Variants in SDHA observed in about 807,000 individuals in gnomAD.
The protein encoded by SDHA is succinate dehydrogenase complex flavoprotein subunit A.
SDHA carries 48 observed loss-of-function variants against 78.4 expected under a neutral mutation model. That is an observed-to-expected ratio of 0.61 (90% confidence interval 0.49 to 0.78). The LOEUF (loss-of-function observed/expected upper bound fraction) is 0.78, where lower values mean the gene tolerates loss of function less well. Ranked by LOEUF, SDHA falls within the 30% of genes least tolerant of loss-of-function variation. The probability of loss-of-function intolerance (pLI) is 0.00; values close to 1 mark genes in which losing one functional copy is unlikely to be tolerated. For missense variants in SDHA, 680 were observed against 892.7 expected, an observed-to-expected ratio of 0.76 and a Z score of 3.04; for synonymous variants, 326 against 353.9, an observed-to-expected ratio of 0.92 and a Z score of 0.88.
intron 11 of SDHA, among the ~76,000 whole-genome samples, chr5:247,787 T>G (rs2126623372): frequency 6.6e-6 from 1 of 152,340 alleles, no homozygotes. Flanking sequence ...TAGCTTCTAT[T>G]AAAACAGATA....
chr5:244,828 C>T (rs12332382), intron 11 of SDHA, among the ~76,000 whole-genome samples: 19,738 of 152,104 alleles, frequency 0.13, 1,344 homozygotes, highest in Admixed American at 0.17. Flanking sequence ...TTTATTACAA[C>T]GATGGGGAGC....
intron 9 of SDHA, 129 bp downstream of exon 9, chr5:235,468 C>G: frequency 1.1e-6 from 1 of 907,354 alleles, no homozygotes; most frequent in Non-Finnish European, 1.8e-6. Context: ...GTATTGTTTT[C>G]TAGATTGCAC....
At chr5:239,267 A>G (rs1408060883) in intron 10 of SDHA, among the ~76,000 whole-genome samples, 1 of 150,164 alleles carries the variant, frequency 6.7e-6, no homozygotes, top group East Asian at 1.9e-4. Context: ...GTAGAAACAC[A>G]AGAGTTGCAA....
intron 10 of SDHA, among the ~76,000 whole-genome samples, chr5:239,340 C>G (rs187688565): frequency 6.6e-6 from 1 of 152,002 alleles, no homozygotes; most frequent in African/African-American, 2.4e-5. Flanking sequence ...AGGCAGGTGG[C>G]TCACCTGAGG....
At chr5:236,816 T>A (rs191787015) in intron 10 of SDHA, among the ~76,000 whole-genome samples, 2 of 151,620 alleles carry the variant, frequency 1.3e-5, no homozygotes, top group Admixed American at 6.6e-5. Context: ...TGGCTAATTT[T>A]TAAAAAAATT....
At chr5:246,446 G>A (rs944147598) in intron 11 of SDHA, among the ~76,000 whole-genome samples, 2 of 151,944 alleles carry the variant, frequency 1.3e-5, no homozygotes, top group African/African-American at 4.8e-5. Flanking sequence ...TCGAGCTGCG[G>A]CTGATCAAAA....
rs778207102 is a variant in SDHA at position 240,396 on chromosome 5, G to T, written c.1471G>T (p.Glu491Ter). The change falls in exon 11 of 15, where the codon GAA (glutamate) becomes TAA (stop). Residue 491 changes from glutamate to a stop codon, truncating the protein, a stop_gained. Coordinates refer to ENST00000264932, the MANE Select transcript of SDHA (RefSeq NM_004168.4). LOFTEE classifies it high-confidence loss of function. ...TCCAATTAAACCAAACGCTGGGGAA[G>T]AATCTGTCATGAATCTTGACAAATT... ...VPPIKPNAGE[E>*]SVMNLDKLRF... is the part of the protein sequence containing the mutation. The T allele has an allele frequency of 6.2e-6, 10 of 1,609,890 alleles. No homozygotes were observed. The highest frequency in any genetic ancestry group is 8.5e-6 in the Non-Finnish European group (10 of 1,177,418).
At chr5:227,863 T>C (rs2126556889) in intron 5 of SDHA, 1 of 386,876 alleles carries the variant, frequency 2.6e-6, no homozygotes, top group South Asian at 2.2e-5. Context: ...CGGACCTCAC[T>C]CTGGCACCAG....
chr5:266,222 A>G, the SDHA span, among the ~76,000 whole-genome samples: 25 of 152,384 alleles, frequency 1.6e-4, no homozygotes, highest in Middle Eastern at 3.4e-3. Flanking sequence ...AACCAGTAAG[A>G]AAGTAAATCC....
chr5:255,513 T>G (rs1392529215), intron 14 of SDHA, among the ~76,000 whole-genome samples: 2 of 152,034 alleles, frequency 1.3e-5, no homozygotes, highest in East Asian at 1.9e-4. Context: ...CTGATATGTG[T>G]TGGCTTGATC....
intron 11 of SDHA, among the ~76,000 whole-genome samples, chr5:246,248 G>T (rs1350017229): frequency 6.6e-6 from 1 of 151,952 alleles, no homozygotes; most frequent in East Asian, 1.9e-4. Context: ...AGCTGCAGCT[G>T]ATCGAAAAGC....
intron 11 of SDHA, among the ~76,000 whole-genome samples, chr5:241,959 C>T (rs1010665436): frequency 2.6e-5 from 4 of 152,180 alleles, no homozygotes; most frequent in East Asian, 1.9e-4. Context: ...AACATGCCTT[C>T]GGATATAGAA....
chr5:225,715 G>C, intron 4 of SDHA, 153 bp downstream of exon 4: 6 of 1,332,172 alleles, frequency 4.5e-6, no homozygotes, highest in Non-Finnish European at 6.4e-6. Context: ...TATGAACTAT[G>C]CATTATATGT....
chr5:262,238 G>T, the SDHA span, among the ~76,000 whole-genome samples: 2 of 126,960 alleles, frequency 1.6e-5, no homozygotes, highest in African/African-American at 7.0e-5. Flanking sequence ...GCATTACCGT[G>T]TGAGCTCCGC....
At chr5:264,019 G>C in the SDHA span, among the ~76,000 whole-genome samples, 1 of 152,190 alleles carries the variant, frequency 6.6e-6, no homozygotes, top group Non-Finnish European at 1.5e-5. Flanking sequence ...GTACAGTGGG[G>C]AACTCAGTAC....
the SDHA span, among the ~76,000 whole-genome samples, chr5:265,989 CGATTCAGTCCTGGGGG>C: frequency 5.5e-5 from 8 of 146,718 alleles, no homozygotes; most frequent in Admixed American, 1.3e-4. Flanking sequence ...CCAGATCTTC[CGATTCAGTCCTGGGGG>C]AACCCCACCC....
In SDHA at chr5:226,026, A is replaced by G. The variant is rs201967413; in HGVS notation, c.600A>G (p.Leu200=). 166 of 1,614,116 alleles carry G rather than the reference A, an allele frequency of 1.0e-4. 1 individual carries two copies. The African/African-American group carries it at 2.0e-3, about 19-fold the overall frequency. ...CCVADRTGHS[L]LHTLYGRSLR... ...TGGCTGATCGGACTGGCCACTCGCT[A>G]TTGCACACCTTATATGGAAGGGTAA... The change falls in exon 5 of 15, where the codon CTA becomes CTG. Residue 200 remains leucine, a synonymous_variant. Transcript: ENST00000264932.
downstream of SDHA, among the ~76,000 whole-genome samples, chr5:259,472 C>T (rs1403029242): frequency 2.6e-5 from 1 of 38,900 alleles, no homozygotes; most frequent in Non-Finnish European, 4.8e-5. Context: ...CGCCTCCTGC[C>T]AGAGCATTAC....
intron 7 of SDHA, among the ~76,000 whole-genome samples, chr5:232,060 A>G (rs10080225): frequency 0.24 from 36,262 of 152,044 alleles, 6,839 homozygotes; most frequent in African/African-American, 0.52. Flanking sequence ...GACTTGTCCT[A>G]TACTTTTCTG....
Sources: gnomAD v4.1 joint callset for allele counts (sites outside exome capture counted in the v4.1 genomes callset) on GRCh38, gnomAD v4.1.1 for gene constraint, MANE v1.5 for transcripts, NCBI Gene and HGNC (gene_info 2026-07-23, HGNC 2026-07-21) for gene names.